ZBTB37: variants seen among roughly 807,000 people sequenced by gnomAD.
The protein encoded by ZBTB37 is zinc finger and BTB domain containing 37.
Under a neutral mutation model 37.7 loss-of-function variants are expected in ZBTB37, and 15 were observed. The ratio of observed to expected loss-of-function variants is 0.40; its 90% CI spans 0.27 to 0.61. ZBTB37 has a LOEUF of 0.61. Ranked by LOEUF, ZBTB37 falls within the 20% of genes least tolerant of loss-of-function variation. The pLI is 0.44. For missense variants in ZBTB37, 514 were observed against 641.9 expected, an observed-to-expected ratio of 0.80 and a Z score of 2.15; for synonymous variants, 231 against 220.6, an observed-to-expected ratio of 1.05 and a Z score of -0.42.
At position 173,886,042 on chromosome 1, in the gene ZBTB37, AG is replaced by A. The variant is rs1446384175; in HGVS notation, c.1432del (p.Glu478LysfsTer42). On this transcript the variant is annotated frameshift_variant, in exon 5 of 5. Transcript: ENST00000427304. LOFTEE classifies it high-confidence loss of function. ...ACTGTCACATCTCGAGGACAAGCTG[AG>A]GAAGAGTCACCTTCACAGGAAGAGA... 1 of 1,551,610 alleles carries A rather than the reference AG, an allele frequency of 6.4e-7. No homozygotes were observed. The highest frequency in any genetic ancestry group is 8.7e-7 in the Non-Finnish European group (1 of 1,147,002).
chr1:173,886,314 C>A lies in ZBTB37; in HGVS notation c.*190C>A. On this transcript the variant is annotated 3_prime_UTR_variant, in exon 5 of 5. Coordinates refer to ENST00000427304, the Ensembl canonical transcript of ZBTB37. ...TAAAGGCTCCTCCCTTCTTATTGCC[C>A]GCCTCACACTTTGGAAAATAATCAA... 4.9e-6 allele frequency: 4 copies of A among 808,808 alleles called. No homozygotes were observed. In the South Asian group the frequency reaches 6.7e-5, roughly 14 times the overall value. The allele number at this position is 808,808 out of a possible 1,614,324, so 50.1% of individuals were successfully genotyped here. A position where few individuals can be genotyped will look rare whatever the true frequency, so the allele number is the denominator to read the frequency against.
At chr1:173,886,209 A>C in exon 5 of ZBTB37, 1 of 1,460,210 alleles carries the variant, frequency 6.8e-7, no homozygotes, top group East Asian at 2.5e-5. Context: ...ACTTAGATTC[A>C]CAAAATGCCA....
exon 4 of ZBTB37, chr1:173,895,569 GAA>G (rs1388718577): frequency 6.6e-6 from 1 of 152,184 alleles, no homozygotes; most frequent in East Asian, 1.9e-4. Context: ...TTGAGATAGT[GAA>G]AAGTTTTACC....
exon 4 of ZBTB37, chr1:173,894,164 T>C (rs1315779718): frequency 1.3e-5 from 2 of 152,202 alleles, no homozygotes; most frequent in Non-Finnish European, 2.9e-5. Flanking sequence ...GAGTCACCCG[T>C]GTGGTTAGGT....
chr1:173,873,816 C>T (rs1655730676), intron 4 of ZBTB37, among the ~76,000 whole-genome samples: 1 of 152,092 alleles, frequency 6.6e-6, no homozygotes, highest in Non-Finnish European at 1.5e-5. Context: ...AGAACATTAA[C>T]AAATTAACAC....
rs932933957 is a variant in ZBTB37 at position 173,871,662 on chromosome 1, G to A, written c.923+514G>A. Among the ~76,000 whole-genome samples the A allele has an allele frequency of 9.2e-5, 14 of 152,330 alleles. No homozygotes were observed. In the East Asian group the frequency reaches 2.5e-3, roughly 27 times the overall value. On this transcript the variant is annotated intron_variant, in intron 3 of 4. Transcript: ENST00000427304. ...TAAAATAGTAATTCTGAAGAAAAGC[G>A]TTATGGATATTTTTCATCTCTTTTT...
At chr1:173,877,392 T>TTTTTTTC (rs1656042953) in intron 4 of ZBTB37, among the ~76,000 whole-genome samples, 1 of 143,572 alleles carries the variant, frequency 7.0e-6, no homozygotes. Context: ...TTTTTTTTTT[T>TTTTTTTC]TTTTTCCGAG....
exon 4 of ZBTB37, chr1:173,891,910 A>G (rs1032283140): frequency 1.3e-5 from 2 of 152,226 alleles, no homozygotes; most frequent in African/African-American, 4.8e-5. Flanking sequence ...AGCGCTGTCA[A>G]CATAGACAAA....
exon 4 of ZBTB37, chr1:173,896,000 A>G (rs1204241947): frequency 2.6e-5 from 4 of 152,236 alleles, no homozygotes; most frequent in South Asian, 2.1e-4. Flanking sequence ...GATAATCTGC[A>G]GTTATCACAG....
At chr1:173,893,001 C>T (rs1209191507) in exon 4 of ZBTB37, 1 of 152,260 alleles carries the variant, frequency 6.6e-6, no homozygotes, top group Non-Finnish European at 1.5e-5. Flanking sequence ...CTCCTTGGTT[C>T]AAGCAATTCT....
At chr1:173,895,751 A>G (rs956371143) in exon 4 of ZBTB37, 5 of 152,220 alleles carry the variant, frequency 3.3e-5, no homozygotes, top group African/African-American at 1.2e-4. Flanking sequence ...TCTCATTTAA[A>G]ATAACAGATC....
At chr1:173,875,490 T>C (rs1187400520) in intron 4 of ZBTB37, among the ~76,000 whole-genome samples, 2 of 151,704 alleles carry the variant, frequency 1.3e-5, no homozygotes, top group Admixed American at 6.6e-5. Flanking sequence ...CACACCTAGC[T>C]AATTTTTGTA....
At chr1:173,899,190 C>T (rs1207192199) in exon 4 of ZBTB37, 1 of 151,924 alleles carries the variant, frequency 6.6e-6, no homozygotes, top group African/African-American at 2.4e-5. Flanking sequence ...CTTTTTACCA[C>T]GACTATTTTT....
exon 5 of ZBTB37, chr1:173,886,238 T>G: frequency 6.9e-7 from 1 of 1,442,292 alleles, no homozygotes; most frequent in Non-Finnish European, 9.1e-7. Context: ...GGCCAGAAGA[T>G]GCTCCCAAGA....
rs536012008 is a variant in ZBTB37, at chr1:173,882,106, G to T, written c.1024-3530G>T. 2.0e-5 allele frequency among the ~76,000 whole-genome samples: 3 copies of T among 151,860 alleles called. No individual in the cohort carries two copies. The South Asian group carries it at 6.2e-4, about 32-fold the overall frequency. On this transcript the variant is annotated intron_variant, in intron 4 of 4. Coordinates refer to ENST00000427304, the Ensembl canonical transcript of ZBTB37. Reference sequence around the variant, plus strand: ...TATCCTTTGCCCACTTTTTGCTGGGGTTGTTTGATTTTTTCTTGTAAATTT... The same window carrying T: ...TATCCTTTGCCCACTTTTTGCTGGGTTTGTTTGATTTTTTCTTGTAAATTT...
exon 4 of ZBTB37, chr1:173,894,671 A>G (rs1187882564): frequency 6.6e-6 from 1 of 152,256 alleles, no homozygotes; most frequent in Non-Finnish European, 1.5e-5. Flanking sequence ...TAATGGTAAG[A>G]TGACAGCAAG....
chr1:173,871,709 C>T (rs992516157), intron 3 of ZBTB37, among the ~76,000 whole-genome samples: 6 of 152,106 alleles, frequency 3.9e-5, no homozygotes, highest in African/African-American at 1.4e-4. Context: ...GTGATGGTAT[C>T]TTCCCTGTTT....
At chr1:173,891,731 C>G (rs1391733275) in exon 4 of ZBTB37, 1 of 152,076 alleles carries the variant, frequency 6.6e-6, no homozygotes, top group African/African-American at 2.4e-5. Context: ...AATTTAAGGA[C>G]CAGCCTGGGC....
exon 4 of ZBTB37, chr1:173,893,629 G>C (rs530306057): frequency 6.6e-6 from 1 of 152,334 alleles, no homozygotes; most frequent in East Asian, 1.9e-4. Context: ...CTGTGGTTAA[G>C]ACAATAATAC....
Sources: gnomAD v4.1 joint callset for allele counts (sites outside exome capture counted in the v4.1 genomes callset) on GRCh38, gnomAD v4.1.1 for gene constraint, MANE v1.5 for transcripts, NCBI Gene and HGNC (gene_info 2026-07-23, HGNC 2026-07-21) for gene names.